The following CA1 variants were observed in gnomAD, a reference collection of about 807,000 sequenced individuals.
CA1 encodes the protein carbonate dehydratase I.
Under a neutral mutation model 28.8 loss-of-function variants are expected in CA1, and 27 were observed. The ratio of observed to expected loss-of-function variants is 0.94; its 90% CI spans 0.69 to 1.29. The LOEUF is 1.29. CA1 is among the 50% of genes most tolerant of loss of function. CA1 has a pLI of 0.00. For synonymous variants in CA1, 121 were observed against 108.8 expected, an observed-to-expected ratio of 1.11 and a Z score of -0.70; for missense variants, 335 against 310.5, an observed-to-expected ratio of 1.08 and a Z score of -0.59.
At chr8:85,329,261 T>C (rs927470471) in intron 7 of CA1, among the ~76,000 whole-genome samples, 5 of 152,268 alleles carry the variant, frequency 3.3e-5, no homozygotes, top group African/African-American at 1.2e-4. Flanking sequence ...TTAACAACAG[T>C]TAATGAGATA....
At chr8:85,375,179 C>T (rs1681116959) in intron 1 of CA1, among the ~76,000 whole-genome samples, 2 of 152,172 alleles carry the variant, frequency 1.3e-5, no homozygotes, top group Admixed American at 1.3e-4. Flanking sequence ...AAGTCTGTCT[C>T]ACTCCAACAT....
intron 1 of CA1, among the ~76,000 whole-genome samples, chr8:85,350,375 G>A (rs1011703393): frequency 2.0e-5 from 3 of 152,168 alleles, no homozygotes; most frequent in South Asian, 2.1e-4. Flanking sequence ...CTTGAAAGGC[G>A]CTGCATTTCA....
intron 2 of CA1, among the ~76,000 whole-genome samples, chr8:85,339,156 G>A (rs1008213262): frequency 3.9e-5 from 6 of 152,034 alleles, no homozygotes; most frequent in African/African-American, 7.2e-5. Flanking sequence ...ATTTTATTGC[G>A]CTTCACTTTA....
Position 85,341,574 on chromosome 8 carries a change from T to G in CA1, c.37+25A>C, listed in dbSNP as rs957094889. The G allele has an allele frequency of 4.3e-6, 6 of 1,406,946 alleles. No homozygotes were observed. The Admixed American group carries it at 8.4e-5, about 20-fold the overall frequency. 87.2% of individuals were successfully genotyped at this position (1,406,946 alleles called of 1,614,324 possible). The stretch of plus-strand genomic sequence containing the variant: ...AAATGGGAACAAGTTATCATTTTGA[T>G]CTATATAAACAGGAGAACTCTTACC... On this transcript the variant is annotated intron_variant, in intron 2 of 7. Coordinates refer to ENST00000523022, the MANE Select transcript of CA1 (RefSeq NM_001128831.4).
Position 85,369,134 on chromosome 8 carries a change from C to T in CA1, c.-25+8912G>A, listed in dbSNP as rs181545100. Among the ~76,000 whole-genome samples, 21 of 152,232 alleles carry T rather than the reference C, an allele frequency of 1.4e-4. 1 individual carries two copies. Among genetic ancestry groups the T allele is most frequent in the African/African-American group, 3.6e-4 (15 of 41,550 alleles). On this transcript the variant is annotated intron_variant, in intron 1 of 7. Coordinates refer to ENST00000523022, the MANE Select transcript of CA1 (RefSeq NM_001128831.4). ...AATCTCCCCCACCTCAGTTAAACTG[C>T]GCATCATAACTGCATGGCTATTTGA...
chr8:85,359,561 G>T (rs1023270301), intron 1 of CA1, among the ~76,000 whole-genome samples: 4 of 152,226 alleles, frequency 2.6e-5, no homozygotes, highest in African/African-American at 4.8e-5. Flanking sequence ...GGTGGAGAGG[G>T]TTTGGAAGAA....
chr8:85,329,668 C>G, intron 7 of CA1, 21 bp downstream of exon 7: 1 of 1,598,284 alleles, frequency 6.3e-7, no homozygotes. Context: ...ATTCCCAGTT[C>G]CCATTCATTC....
chr8:85,371,606 G>A (rs1206133798), intron 1 of CA1, among the ~76,000 whole-genome samples: 1 of 152,152 alleles, frequency 6.6e-6, no homozygotes, highest in East Asian at 1.9e-4. Context: ...GCAGTAGTCA[G>A]GTAGGGTCCA....
chr8:85,371,004 G>C (rs1222837776), intron 1 of CA1, among the ~76,000 whole-genome samples: 1 of 152,170 alleles, frequency 6.6e-6, no homozygotes, highest in Non-Finnish European at 1.5e-5. Context: ...ATGACACAGT[G>C]TGATATCTGA....
chr8:85,344,046 T>G (rs1367068749), intron 1 of CA1, among the ~76,000 whole-genome samples: 1 of 144,106 alleles, frequency 6.9e-6, no homozygotes, highest in Non-Finnish European at 1.5e-5. Flanking sequence ...AAGAAGGAGT[T>G]TAATCTACAC....
At chr8:85,344,250 ATT>A (rs1554696744) in intron 1 of CA1, among the ~76,000 whole-genome samples, 7 of 100,638 alleles carry the variant, frequency 7.0e-5, no homozygotes, top group Admixed American at 6.5e-4. Flanking sequence ...ATAATTATAT[ATT>A]ATATACAGTA....
chr8:85,329,256 A>G (rs1331346470), intron 7 of CA1, among the ~76,000 whole-genome samples: 1 of 152,186 alleles, frequency 6.6e-6, no homozygotes, highest in Non-Finnish European at 1.5e-5. Context: ...CATTATTAAC[A>G]ACAGTTAATG....
intron 1 of CA1, among the ~76,000 whole-genome samples, chr8:85,344,445 C>A (rs1190605458): frequency 6.8e-6 from 1 of 146,594 alleles, no homozygotes; most frequent in African/African-American, 2.5e-5. Flanking sequence ...TTTTTAGTAC[C>A]CTAAAATGTT....
intron 6 of CA1, among the ~76,000 whole-genome samples, chr8:85,330,486 CTTA>C (rs906422530): frequency 2.6e-4 from 39 of 152,138 alleles, no homozygotes; most frequent in South Asian, 2.1e-3. Flanking sequence ...GACTAGGACC[CTTA>C]TTATAATTTT....
At chr8:85,329,010 T>C (rs2130110762) in intron 7 of CA1, among the ~76,000 whole-genome samples, 1 of 152,294 alleles carries the variant, frequency 6.6e-6, no homozygotes, top group East Asian at 1.9e-4. Flanking sequence ...CTTATTAGCT[T>C]GGTACCTTAG....
intron 1 of CA1, among the ~76,000 whole-genome samples, chr8:85,344,159 G>GTATAATATATAAT (rs1368788179): frequency 1.6e-5 from 2 of 122,270 alleles, no homozygotes; most frequent in African/African-American, 6.2e-5. Context: ...ATTATATACT[G>GTATAATATATAAT]TATATTATAT....
intron 1 of CA1, among the ~76,000 whole-genome samples, chr8:85,342,540 C>T (rs1460978341): frequency 6.6e-6 from 1 of 152,192 alleles, no homozygotes; most frequent in Non-Finnish European, 1.5e-5. Context: ...AAATGCCACA[C>T]TAATTCCCCT....
chr8:85,376,706 TAAAA>T (rs1409749572), intron 1 of CA1, among the ~76,000 whole-genome samples: 2 of 137,990 alleles, frequency 1.4e-5, no homozygotes, highest in African/African-American at 2.8e-5. Context: ...AATAAATAAA[TAAAA>T]CTAGGTAAGG....
At chr8:85,344,443 ACC>A (rs1327769849) in intron 1 of CA1, among the ~76,000 whole-genome samples, 3 of 149,398 alleles carry the variant, frequency 2.0e-5, no homozygotes, top group Non-Finnish European at 4.4e-5. Flanking sequence ...ATTTTTTAGT[ACC>A]CTAAAATGTT....
Sources: gnomAD v4.1 joint callset for allele counts (sites outside exome capture counted in the v4.1 genomes callset) on GRCh38, gnomAD v4.1.1 for gene constraint, MANE v1.5 for transcripts, NCBI Gene and HGNC (gene_info 2026-07-23, HGNC 2026-07-21) for gene names.